ATP9B: variants seen among roughly 807,000 people sequenced by gnomAD.
The protein encoded by ATP9B is ATPase phospholipid transporting 9B, also known as probable phospholipid-transporting ATPase IIB.
In ATP9B, 110 loss-of-function variants were observed where a neutral mutation model predicts 146.1. The observed-to-expected ratio is 0.75, with a 90% CI of 0.65 to 0.88. ATP9B has a LOEUF of 0.88. ATP9B is among the 40% of genes least tolerant of loss of function. ATP9B has a pLI of 0.00. For missense variants in ATP9B, 1,499 were observed against 1,496.4 expected (o/e 1.00, Z -0.03); for synonymous variants, 604 against 569.7 (o/e 1.06, Z -0.86).
intron 8 of ATP9B, among the ~76,000 whole-genome samples, chr18:79,191,096 G>T (rs1314780089): frequency 2.0e-5 from 3 of 151,992 alleles, no homozygotes; most frequent in Non-Finnish European, 2.9e-5. Context: ...GCTGGATATT[G>T]AATTCTGGCT....
At chr18:79,293,283 TAC>T (rs1568598058) in intron 13 of ATP9B, among the ~76,000 whole-genome samples, 1 of 152,122 alleles carries the variant, frequency 6.6e-6, no homozygotes, top group Non-Finnish European at 1.5e-5. Context: ...AAATTTGTTA[TAC>T]AGTTTGAATG....
chr18:79,351,545 A>G (rs982103069), intron 25 of ATP9B, among the ~76,000 whole-genome samples: 9 of 152,240 alleles, frequency 5.9e-5, no homozygotes, highest in African/African-American at 2.2e-4. Flanking sequence ...AAAAATCAAC[A>G]TGATGTTTTT....
At chr18:79,216,972 T>C (rs1014734258) in intron 11 of ATP9B, among the ~76,000 whole-genome samples, 6 of 152,298 alleles carry the variant, frequency 3.9e-5, no homozygotes, top group South Asian at 2.1e-4. Context: ...TTGGAGAACA[T>C]TGACCACATG....
At chr18:79,093,123 T>A (rs1373749451) in intron 1 of ATP9B, among the ~76,000 whole-genome samples, 1 of 152,232 alleles carries the variant, frequency 6.6e-6, no homozygotes, top group Admixed American at 6.5e-5. Context: ...TTCAGCTTCC[T>A]TATTATGGGA....
At chr18:79,307,361 G>A (rs2096625381) in intron 15 of ATP9B, 127 bp downstream of exon 15, 4 of 1,394,348 alleles carry the variant, frequency 2.9e-6, no homozygotes, top group African/African-American at 1.4e-5. Flanking sequence ...GTATGTTTTA[G>A]CTGTATGTGG....
At position 79,297,926 on chromosome 18, in the gene ATP9B, G is replaced by A. The variant is rs544245052; in HGVS notation, c.1412-5678G>A. ...TATGACAAATGTAGCCCTCATTCAT[G>A]CTTTAAGAAGAAAACTCGGAAAACA... On this transcript the variant is annotated intron_variant, in intron 13 of 29. Coordinates refer to ENST00000426216, the MANE Select transcript of ATP9B (RefSeq NM_198531.5). Among the ~76,000 whole-genome samples the A allele has an allele frequency of 2.0e-5, 3 of 147,066 alleles. 1 individual carries two copies. The South Asian group carries it at 6.4e-4, about 32-fold the overall frequency.
At chr18:79,129,800 A>G (rs929695862) in intron 5 of ATP9B, among the ~76,000 whole-genome samples, 3 of 151,704 alleles carry the variant, frequency 2.0e-5, no homozygotes, top group East Asian at 2.0e-4. Context: ...CTGGAGTGCA[A>G]TGGTGCGATC....
chr18:79,345,925 G>T, intron 23 of ATP9B, 86 bp downstream of exon 23: 1 of 1,453,218 alleles, frequency 6.9e-7, no homozygotes, highest in Non-Finnish European at 9.6e-7. Flanking sequence ...TGTACACTCA[G>T]CACCTACTTG....
At chr18:79,101,001 ACAGCCAAACCATAT>A (rs1164455599) in intron 2 of ATP9B, among the ~76,000 whole-genome samples, 1 of 152,204 alleles carries the variant, frequency 6.6e-6, no homozygotes, top group African/African-American at 2.4e-5. Flanking sequence ...GGGTGGGGAC[ACAGCCAAACCATAT>A]CAGGTTTCTT....
Position 79,377,793 on chromosome 18 carries a change from A to G in ATP9B, c.*410A>G, listed in dbSNP as rs2097109953. 1 of 178,384 alleles carries G rather than the reference A, an allele frequency of 5.6e-6. No homozygotes were observed. Among genetic ancestry groups the G allele is most frequent in the Non-Finnish European group, 1.2e-5 (1 of 85,236 alleles). 11.1% of individuals were successfully genotyped at this position (178,384 alleles called of 1,614,324 possible). ...CATGCTAGGCAAGCCCAGGGCACAG[A>G]TGCCGGGATGGCCCCTCCCTCTCAG... is the stretch of plus-strand genomic sequence containing the variant. On this transcript the variant is annotated 3_prime_UTR_variant, in exon 30 of 30. Transcript: ENST00000426216.
chr18:79,271,010 C>G, intron 12 of ATP9B, among the ~76,000 whole-genome samples: 1 of 152,152 alleles, frequency 6.6e-6, no homozygotes, highest in Admixed American at 6.5e-5. Flanking sequence ...AGACCAGCCC[C>G]TGTGAGCTGC....
At chr18:79,211,965 T>G (rs1022893103) in intron 10 of ATP9B, among the ~76,000 whole-genome samples, 1 of 152,238 alleles carries the variant, frequency 6.6e-6, no homozygotes, top group African/African-American at 2.4e-5. Flanking sequence ...TTTGTCACAT[T>G]CAGTCTCCTG....
chr18:79,349,900 C>A (rs1034802448), intron 25 of ATP9B, among the ~76,000 whole-genome samples: 6 of 151,270 alleles, frequency 4.0e-5, no homozygotes, highest in Admixed American at 3.3e-4. Flanking sequence ...CCGCACCCCC[C>A]CCCCCACCAT....
At chr18:79,252,938 G>A (rs896662156) in intron 11 of ATP9B, among the ~76,000 whole-genome samples, 1 of 152,150 alleles carries the variant, frequency 6.6e-6, no homozygotes, top group Non-Finnish European at 1.5e-5. Context: ...GCACCCACAC[G>A]GATAACAGAG....
chr18:79,156,397 A>G (rs752184775), intron 7 of ATP9B, among the ~76,000 whole-genome samples: 5 of 152,130 alleles, frequency 3.3e-5, no homozygotes, highest in African/African-American at 1.2e-4. Flanking sequence ...TCCTGCAGGC[A>G]CCTGCTCATC....
chr18:79,312,890 C>G (rs923003529), intron 15 of ATP9B, among the ~76,000 whole-genome samples: 4 of 152,196 alleles, frequency 2.6e-5, no homozygotes, highest in Admixed American at 2.6e-4. Context: ...AAGTAATTGG[C>G]AAAGTCTCTG....
rs531850014 is a variant in ATP9B, at chr18:79,207,939, C to T, written c.1030+927C>T. 5.3e-5 allele frequency among the ~76,000 whole-genome samples: 8 copies of T among 152,052 alleles called. No individual in the cohort carries two copies. The East Asian group carries it at 9.7e-4, about 18-fold the overall frequency. On this transcript the variant is annotated intron_variant, in intron 10 of 29. Transcript: ENST00000426216. Reference sequence around the variant, plus strand: ...CAACACGTACAGAGAGTGCTGTGGACGGTTTGTAATTAAAGAAGCTTATAG... The same window carrying T: ...CAACACGTACAGAGAGTGCTGTGGATGGTTTGTAATTAAAGAAGCTTATAG...
chr18:79,083,579 A>G (rs1048818941), intron 1 of ATP9B, among the ~76,000 whole-genome samples: 15 of 152,174 alleles, frequency 9.9e-5, no homozygotes, highest in Middle Eastern at 3.2e-3. Flanking sequence ...TGCGAAGACC[A>G]TGGGAAGTGC....
intron 14 of ATP9B, among the ~76,000 whole-genome samples, chr18:79,304,565 C>T (rs1197955124): frequency 1.3e-5 from 2 of 152,174 alleles, no homozygotes; most frequent in Non-Finnish European, 2.9e-5. Context: ...CCTGTATTTG[C>T]TTTTAAAACA....
Sources: allele counts gnomAD v4.1 joint callset (sites outside exome capture counted in the v4.1 genomes callset), GRCh38; gene constraint gnomAD v4.1.1; transcripts MANE v1.5; gene names NCBI Gene and HGNC (gene_info 2026-07-23, HGNC 2026-07-21).